Variants in PDE9A observed in about 807,000 individuals in gnomAD.
The protein encoded by PDE9A is high affinity cGMP-specific 3',5'-cyclic phosphodiesterase 9A.
Under a neutral mutation model 87.4 loss-of-function variants are expected in PDE9A, and 60 were observed. The ratio of observed to expected loss-of-function variants is 0.69; its 90% CI spans 0.56 to 0.85. PDE9A has a LOEUF of 0.85. PDE9A is among the 40% of genes least tolerant of loss of function. The pLI is 0.00. For missense variants in PDE9A, 665 were observed against 779.0 expected (o/e 0.85, Z 1.74); for synonymous variants, 272 against 279.4 (o/e 0.97, Z 0.27).
chr21:42,740,758 T>TAGAC (rs2146857025), intron 7 of PDE9A, among the ~76,000 whole-genome samples: 1 of 117,142 alleles, frequency 8.5e-6, no homozygotes, highest in African/African-American at 3.4e-5. Context: ...ATAAACAGGA[T>TAGAC]AGATAGATAG....
intron 1 of PDE9A, among the ~76,000 whole-genome samples, chr21:42,672,984 C>T (rs982201378): frequency 1.3e-5 from 2 of 152,162 alleles, no homozygotes; most frequent in African/African-American, 2.4e-5. Context: ...GCGAAACAGC[C>T]TTTGAAGGAA....
At chr21:42,674,272 C>T (rs1569127064) in intron 1 of PDE9A, among the ~76,000 whole-genome samples, 1 of 150,856 alleles carries the variant, frequency 6.6e-6, no homozygotes, top group Non-Finnish European at 1.5e-5. Flanking sequence ...ATGCATGGAT[C>T]TGAGGGCCAG....
chr21:42,655,463 C>T (rs1408015238), intron 1 of PDE9A, among the ~76,000 whole-genome samples: 5 of 152,096 alleles, frequency 3.3e-5, no homozygotes, highest in Non-Finnish European at 7.4e-5. Context: ...GGCAGGGTAG[C>T]TTTTCACAGT....
At chr21:42,731,568 T>TG (rs2051752729) in intron 4 of PDE9A, among the ~76,000 whole-genome samples, 1 of 152,088 alleles carries the variant, frequency 6.6e-6, no homozygotes, top group Admixed American at 6.5e-5. Flanking sequence ...CCAGCCCAGT[T>TG]TTACAGGCCA....
At chr21:42,681,201 G>A (rs767841786) in intron 1 of PDE9A, among the ~76,000 whole-genome samples, 2 of 152,208 alleles carry the variant, frequency 1.3e-5, no homozygotes, top group African/African-American at 2.4e-5. Flanking sequence ...CTGGTTATGC[G>A]CTTGCCCACA....
chr21:42,721,704 A>G (rs998251182), intron 4 of PDE9A, among the ~76,000 whole-genome samples: 8 of 152,126 alleles, frequency 5.3e-5, no homozygotes, highest in African/African-American at 1.9e-4. Flanking sequence ...ACAGAAGATG[A>G]GTTTGCTTCC....
At chr21:42,690,960 C>G (rs1268004102) in intron 3 of PDE9A, among the ~76,000 whole-genome samples, 4 of 152,056 alleles carry the variant, frequency 2.6e-5, no homozygotes, top group Non-Finnish European at 5.9e-5. Flanking sequence ...GCAAAGTCAC[C>G]CAGACCCATC....
chr21:42,731,462 C>T (rs2051734945), intron 4 of PDE9A, among the ~76,000 whole-genome samples: 2 of 152,146 alleles, frequency 1.3e-5, no homozygotes, highest in African/African-American at 2.4e-5. Flanking sequence ...GCATCCACAC[C>T]TTCCTGTGAG....
At chr21:42,674,736 C>A (rs533360836) in intron 1 of PDE9A, among the ~76,000 whole-genome samples, 1 of 152,244 alleles carries the variant, frequency 6.6e-6, no homozygotes, top group Non-Finnish European at 1.5e-5. Context: ...CAGACACACA[C>A]TCTTTACATG....
intron 7 of PDE9A, 132 bp from the exon 8 acceptor site, chr21:42,743,644 G>A (rs1225085375): frequency 3.2e-6 from 2 of 620,552 alleles, no homozygotes; most frequent in East Asian, 5.7e-5. Context: ...GGCAGCCAGG[G>A]CAGGTGTGGG....
intron 1 of PDE9A, among the ~76,000 whole-genome samples, chr21:42,684,855 G>T (rs1400862020): frequency 6.6e-6 from 1 of 151,914 alleles, no homozygotes; most frequent in African/African-American, 2.4e-5. Flanking sequence ...AAGGAGAGGT[G>T]CTGTTTACTG....
chr21:42,716,312 G>A (rs955893540), intron 4 of PDE9A, among the ~76,000 whole-genome samples: 3 of 151,750 alleles, frequency 2.0e-5, no homozygotes, highest in South Asian at 2.1e-4. Context: ...GCTGCCAAAC[G>A]GTCTTCCAAA....
rs570700353 is a variant in PDE9A, at chr21:42,704,568, G to A, written c.262+5557G>A. ...CTATGGCAACAACCTTCCCTCTCCC[G>A]TCCATCGGCCTTGGGTCCCAGAGCC... is the stretch of plus-strand genomic sequence containing the variant. On this transcript the variant is annotated intron_variant, in intron 4 of 19. Coordinates refer to ENST00000291539, the MANE Select transcript of PDE9A (RefSeq NM_002606.3). This position sits in a 1 kb window ranked among gnomAD's most constrained non-coding sequence, Gnocchi z 5.3. 8.5e-5 allele frequency among the ~76,000 whole-genome samples: 13 copies of A among 152,072 alleles called. No individual in the cohort carries two copies. Among genetic ancestry groups the A allele is most frequent in the African/African-American group, 1.2e-4 (5 of 41,390 alleles).
intron 1 of PDE9A, among the ~76,000 whole-genome samples, chr21:42,682,028 G>A (rs577542789): frequency 3.9e-5 from 6 of 152,222 alleles, no homozygotes; most frequent in African/African-American, 7.2e-5. Flanking sequence ...CGAAGAGCGC[G>A]GCTGTCCAAG....
At chr21:42,763,142 G>A (rs983069164) in intron 14 of PDE9A, among the ~76,000 whole-genome samples, 3 of 152,162 alleles carry the variant, frequency 2.0e-5, no homozygotes, top group South Asian at 2.1e-4. Context: ...CATTCCACAC[G>A]GGAATTCCTC....
Position 42,686,270 on chromosome 21 carries a change from C to T in PDE9A, c.140+8C>T, listed in dbSNP as rs779772269. The T allele has an allele frequency of 2.5e-6, 4 of 1,610,596 alleles. No individual in the cohort carries two copies. The highest frequency in any genetic ancestry group is 2.2e-5 in the East Asian group (1 of 44,848). ...CGCCACCGGCCTGCCTCGGTGAGTG[C>T]GCGCTGCGGGCTCTGCCCGGTGACG... On this transcript the variant is annotated splice_region_variant and intron_variant, in intron 2 of 19. Transcript: ENST00000291539.
In PDE9A at chr21:42,760,522, G is replaced by C; in HGVS notation, c.1002+90G>C. On this transcript the variant is annotated intron_variant, in intron 12 of 19. Coordinates refer to ENST00000291539, the MANE Select transcript of PDE9A (RefSeq NM_002606.3). This position sits in a 1 kb window ranked among gnomAD's most constrained non-coding sequence, Gnocchi z 5.2. Reference sequence around the variant, plus strand: ...GGGAGCGGCAGCCCCATCCCACCAAGAGAGCCACAGGCGTGGGGTCCCCAG... The same window carrying C: ...GGGAGCGGCAGCCCCATCCCACCAACAGAGCCACAGGCGTGGGGTCCCCAG... 2.5e-6 allele frequency: 2 copies of C among 802,874 alleles called. No individual in the cohort carries two copies. The highest frequency in any genetic ancestry group is 4.1e-6 in the Non-Finnish European group (2 of 488,906). 49.7% of individuals were successfully genotyped at this position (802,874 alleles called of 1,614,324 possible). A position where few individuals can be genotyped will look rare whatever the true frequency, so the allele number is the denominator to read the frequency against.
intron 1 of PDE9A, among the ~76,000 whole-genome samples, chr21:42,680,087 TC>T (rs1346752616): frequency 2.6e-5 from 4 of 152,104 alleles, no homozygotes; most frequent in African/African-American, 9.7e-5. Flanking sequence ...CTGCAGCCCC[TC>T]CCCTCCCTCT....
At chr21:42,662,712 A>C (rs1305482299) in intron 1 of PDE9A, among the ~76,000 whole-genome samples, 1 of 144,190 alleles carries the variant, frequency 6.9e-6, no homozygotes, top group Admixed American at 7.0e-5. Context: ...GCACACGCAC[A>C]TCACACACTT....
Sources: gnomAD v4.1 joint callset for allele counts (sites outside exome capture counted in the v4.1 genomes callset) on GRCh38, gnomAD v4.1.1 for gene constraint, Gnocchi (gnomAD v3.1) non-coding constraint, MANE v1.5 for transcripts, NCBI Gene and HGNC (gene_info 2026-07-23, HGNC 2026-07-21) for gene names.